The following LRP1B variants were observed in gnomAD, a reference collection of about 807,000 sequenced individuals.
LRP1B encodes LDL receptor related protein 1B, also known as low-density lipoprotein receptor-related protein 1B.
LRP1B carries 217 observed loss-of-function variants against 556.6 expected under a neutral mutation model. The observed-to-expected ratio is 0.39, with a 90% CI of 0.35 to 0.44. The LOEUF (loss-of-function observed/expected upper bound fraction) is 0.44, where lower values mean the gene tolerates loss of function less well. Ranked by LOEUF, LRP1B falls within the 20% of genes least tolerant of loss-of-function variation. LRP1B has a pLI of 1.00. For synonymous variants in LRP1B, 2,047 were observed against 1,865.8 expected (o/e 1.10, Z -2.50); for missense variants, 5,053 against 5,620.8 (o/e 0.90, Z 3.23).
chr2:141,040,044 A>G (rs2105429954), intron 11 of LRP1B, among the ~76,000 whole-genome samples: 1 of 152,202 alleles, frequency 6.6e-6, no homozygotes, highest in Non-Finnish European at 1.5e-5. Context: ...TCAGTGTGAT[A>G]ACAATATTCA....
At chr2:141,891,306 G>A (rs1699284474) in intron 1 of LRP1B, among the ~76,000 whole-genome samples, 1 of 152,122 alleles carries the variant, frequency 6.6e-6, no homozygotes, top group Non-Finnish European at 1.5e-5. Context: ...ATTTTAGGCA[G>A]CTGGTTGTGT....
At chr2:141,980,452 C>A (rs1177899398) in intron 1 of LRP1B, among the ~76,000 whole-genome samples, 1 of 152,080 alleles carries the variant, frequency 6.6e-6, no homozygotes, top group Non-Finnish European at 1.5e-5. Flanking sequence ...ATCACAAATA[C>A]AAATTATGAA....
At chr2:141,246,496 G>A (rs745867009) in intron 5 of LRP1B, among the ~76,000 whole-genome samples, 31 of 152,134 alleles carry the variant, frequency 2.0e-4, no homozygotes, top group Non-Finnish European at 4.4e-5. Flanking sequence ...AGAACAACAC[G>A]ATTTGGTTTA....
At chr2:140,254,525 G>A (rs1161288923) in intron 86 of LRP1B, among the ~76,000 whole-genome samples, 1 of 151,740 alleles carries the variant, frequency 6.6e-6, no homozygotes, top group Non-Finnish European at 1.5e-5. Flanking sequence ...TTCTTTTTTT[G>A]TTTTTTGTTT....
chr2:142,084,762 T>G (rs989601004), intron 1 of LRP1B, among the ~76,000 whole-genome samples: 2 of 152,210 alleles, frequency 1.3e-5, no homozygotes, highest in Non-Finnish European at 2.9e-5. Flanking sequence ...CTCTGAACCA[T>G]TCTCCATATA....
intron 35 of LRP1B, among the ~76,000 whole-genome samples, chr2:140,729,606 TC>T (rs1220727269): frequency 6.6e-6 from 1 of 152,172 alleles, no homozygotes; most frequent in Admixed American, 6.5e-5. Context: ...ATCAATACTT[TC>T]TATTGAAGGC....
chr2:142,102,272 C>A (rs1052709658), intron 1 of LRP1B, among the ~76,000 whole-genome samples: 20 of 151,806 alleles, frequency 1.3e-4, no homozygotes, highest in African/African-American at 4.8e-4. Context: ...AATCACAAAT[C>A]TCCTCTAATT....
At chr2:141,209,918 G>A (rs1228222076) in intron 6 of LRP1B, among the ~76,000 whole-genome samples, 4 of 152,114 alleles carry the variant, frequency 2.6e-5, no homozygotes, top group Non-Finnish European at 5.9e-5. Flanking sequence ...ATGCAAAAAA[G>A]TGTTTTTGTT....
intron 2 of LRP1B, among the ~76,000 whole-genome samples, chr2:141,504,521 A>G (rs1415764426): frequency 6.6e-6 from 1 of 152,138 alleles, no homozygotes; most frequent in Non-Finnish European, 1.5e-5. Context: ...ATTCCAACCA[A>G]GGAACAAACC....
intron 55 of LRP1B, among the ~76,000 whole-genome samples, chr2:140,500,979 T>A (rs1689161444): frequency 6.6e-6 from 1 of 151,978 alleles, no homozygotes; most frequent in Admixed American, 6.6e-5. Context: ...TTGCTCTTAT[T>A]GAGGTTTTTC....
intron 1 of LRP1B, among the ~76,000 whole-genome samples, chr2:141,939,676 T>G (rs546706600): frequency 4.1e-4 from 62 of 152,270 alleles, no homozygotes; most frequent in African/African-American, 1.4e-3. Flanking sequence ...CATTTACTTC[T>G]CTTGTATTTG....
chr2:140,422,664 T>C (rs1191389562), intron 66 of LRP1B, among the ~76,000 whole-genome samples: 1 of 152,198 alleles, frequency 6.6e-6, no homozygotes, highest in African/African-American at 2.4e-5. Flanking sequence ...AAATTTCTAT[T>C]GAAAAGGATA....
At chr2:141,084,253 G>C (rs1478881179) in intron 7 of LRP1B, among the ~76,000 whole-genome samples, 1 of 152,156 alleles carries the variant, frequency 6.6e-6, no homozygotes, top group South Asian at 2.1e-4. Flanking sequence ...TTAAAAACAT[G>C]TTTTTATGGA....
chr2:140,996,965 T>G lies in LRP1B; in HGVS notation c.2504-2830A>C, dbSNP rs189258490. 4.6e-5 allele frequency among the ~76,000 whole-genome samples: 7 copies of G among 152,054 alleles called. No individual in the cohort carries two copies. In the East Asian group the frequency reaches 1.4e-3, roughly 30 times the overall value. On this transcript the variant is annotated intron_variant, in intron 15 of 90. Transcript: ENST00000389484. The stretch of plus-strand genomic sequence containing the variant: ...GAGCACAGCCAAAAATTGCTTTTAG[T>G]ATATTAACAAGTGATGGAATTGGAC...
chr2:141,989,367 G>A (rs1322990798), intron 1 of LRP1B, among the ~76,000 whole-genome samples: 1 of 151,868 alleles, frequency 6.6e-6, no homozygotes, highest in Non-Finnish European at 1.5e-5. Flanking sequence ...GAGAAAAAAA[G>A]AAAGTCAAGG....
At chr2:141,359,433 C>G (rs927402512) in intron 3 of LRP1B, among the ~76,000 whole-genome samples, 2 of 152,000 alleles carry the variant, frequency 1.3e-5, no homozygotes, top group Admixed American at 6.6e-5. Context: ...AAATGACTTA[C>G]GAGGAAAAGC....
intron 90 of LRP1B, among the ~76,000 whole-genome samples, chr2:140,234,433 TAAAC>T (rs1179115092): frequency 1.3e-5 from 2 of 151,182 alleles, no homozygotes; most frequent in East Asian, 2.0e-4. Flanking sequence ...ATATATTAAA[TAAAC>T]CACTATGAGA....
At chr2:141,658,997 G>T (rs1298202446) in intron 2 of LRP1B, among the ~76,000 whole-genome samples, 1 of 152,074 alleles carries the variant, frequency 6.6e-6, no homozygotes, top group African/African-American at 2.4e-5. Flanking sequence ...TTGACCTCCA[G>T]GGCCCAAGCA....
chr2:141,462,946 T>C (rs1207478648), intron 3 of LRP1B, among the ~76,000 whole-genome samples: 1 of 136,960 alleles, frequency 7.3e-6, no homozygotes, highest in African/African-American at 2.6e-5. Context: ...TATTTTGTAA[T>C]TTTTTAAAAG....
Sources: gnomAD v4.1 joint callset for allele counts (sites outside exome capture counted in the v4.1 genomes callset) on GRCh38, gnomAD v4.1.1 for gene constraint, MANE v1.5 for transcripts, NCBI Gene and HGNC (gene_info 2026-07-23, HGNC 2026-07-21) for gene names.